The following EHD2 variants were observed in gnomAD, a reference collection of about 807,000 sequenced individuals.
EHD2 encodes the protein EH domain containing 2.
EHD2 carries 27 observed loss-of-function variants against 41.0 expected under a neutral mutation model. That is an observed-to-expected ratio of 0.66 (90% CI 0.49 to 0.91). EHD2 has a LOEUF of 0.91. Among genes scored for constraint, EHD2 ranks in the 40% least tolerant of loss-of-function variants. EHD2 has a pLI of 0.00. For synonymous variants in EHD2, 342 were observed against 341.0 expected (o/e 1.00, Z -0.03); for missense variants, 673 against 773.9 (o/e 0.87, Z 1.55).
At chr19:47,731,279 A>ATATATATATATATATATGT (rs1555793891) in intron 4 of EHD2, 1 of 60,926 alleles carries the variant, frequency 1.6e-5, no homozygotes, top group African/African-American at 4.9e-5. Flanking sequence ...AAAAAAAAAA[A>ATATATATATATATATATGT]ATATATATAT....
chr19:47,718,943 C>G (rs147693020), intron 3 of EHD2, among the ~76,000 whole-genome samples: 1 of 150,218 alleles, frequency 6.7e-6, no homozygotes, highest in East Asian at 2.0e-4. Flanking sequence ...TGGGCCTGGA[C>G]TCCTGGGTCT....
At chr19:47,737,681 T>A (rs911376020) in intron 5 of EHD2, among the ~76,000 whole-genome samples, 13 of 151,572 alleles carry the variant, frequency 8.6e-5, no homozygotes, top group Non-Finnish European at 1.6e-4. Flanking sequence ...TAAAATAAAA[T>A]ATATACGTTT....
Position 47,715,995 on chromosome 19 carries a change from C to A in EHD2, c.-55-563C>A, listed in dbSNP as rs143596922. Among the ~76,000 whole-genome samples the A allele has an allele frequency of 1.6e-3, 240 of 151,694 alleles. 1 individual carries two copies. The highest frequency in any genetic ancestry group is 4.8e-3 in the African/African-American group (198 of 41,316). Reference sequence around the variant, plus strand: ...TATTGGTCAGGCTGGTCTCAAACTCCTGACCTCAGGTGGTCCACCTGCCTC... The same window carrying A: ...TATTGGTCAGGCTGGTCTCAAACTCATGACCTCAGGTGGTCCACCTGCCTC... On this transcript the variant is annotated intron_variant, in intron 1 of 5. Coordinates refer to ENST00000263277, the MANE Select transcript of EHD2 (RefSeq NM_014601.4).
intron 4 of EHD2, among the ~76,000 whole-genome samples, chr19:47,726,942 T>G (rs1973759873): frequency 6.6e-6 from 1 of 152,124 alleles, no homozygotes; most frequent in Non-Finnish European, 1.5e-5. Context: ...CCTCCCAAAG[T>G]GCTGGGATTG....
At chr19:47,727,055 T>G (rs1303190245) in intron 4 of EHD2, among the ~76,000 whole-genome samples, 6 of 152,158 alleles carry the variant, frequency 3.9e-5, no homozygotes, top group South Asian at 2.1e-4. Context: ...AAGATTGTGG[T>G]TCAAAGGTTT....
chr19:47,718,341 C>A (rs1973652815), intron 2 of EHD2, among the ~76,000 whole-genome samples, 168 bp from the exon 3 acceptor site: 1 of 151,000 alleles, frequency 6.6e-6, no homozygotes, highest in East Asian at 1.9e-4. Context: ...TGAGCTGTGG[C>A]TGGTTATAAC....
chr19:47,731,284 A>ATATATATATATG lies in EHD2; in HGVS notation c.915+5071_915+5072insGTATATATATAT, dbSNP rs1555793906. 78 of 54,842 alleles carry ATATATATATATG rather than the reference A, an allele frequency of 1.4e-3. 1 individual carries two copies. The highest frequency in any genetic ancestry group is 2.9e-3 in the Non-Finnish European group (55 of 19,092). 3.4% of individuals were successfully genotyped at this position (54,842 alleles called of 1,614,324 possible). On this transcript the variant is annotated intron_variant, in intron 4 of 5. Transcript: ENST00000263277. ...TGATTCTTTAAAAAAAAAAAAATAT[A>ATATATATATATG]TATATATATATATATATACATATAT...
chr19:47,716,789 C>T lies in EHD2; in HGVS notation c.177C>T (p.Pro59=), dbSNP rs1392552055. The change falls in exon 2 of 6, where the codon CCC becomes CCT. Residue 59 remains proline (P), a synonymous_variant. Transcript: ENST00000263277. ...ALEDADFDGK[P]MVLVAGQYST... is the part of the protein sequence containing the mutation. ...AGGACGCAGACTTCGACGGCAAGCC[C>T]ATGGTGCTGGTGGCCGGCCAGTACA... The T allele has an allele frequency of 6.2e-7, 1 of 1,611,742 alleles. No individual in the cohort carries two copies. Among genetic ancestry groups the T allele is most frequent in the African/African-American group, 1.3e-5 (1 of 74,918 alleles).
intron 5 of EHD2, among the ~76,000 whole-genome samples, chr19:47,738,792 C>A (rs1966951412): frequency 6.6e-6 from 1 of 152,158 alleles, no homozygotes; most frequent in South Asian, 2.1e-4. Flanking sequence ...GATCAGCTGG[C>A]CTCTCTGCCT....
chr19:47,731,279 A>AAATATATATATATATGTATATATATATAT, intron 4 of EHD2: 3 of 60,928 alleles, frequency 4.9e-5, no homozygotes, highest in Non-Finnish European at 1.1e-4. Context: ...AAAAAAAAAA[A>AAATATATATATATATGTATATATATATAT]ATATATATAT....
Position 47,716,912 on chromosome 19 carries a change from C to G in EHD2, c.300C>G (p.Val100=). 1 of 1,611,908 alleles carries G rather than the reference C, an allele frequency of 6.2e-7. No homozygotes were observed. The highest frequency in any genetic ancestry group is 8.5e-7 in the Non-Finnish European group (1 of 1,179,952). The change falls in exon 2 of 6, where the codon GTC becomes GTG. Residue 100 remains valine (V), a synonymous_variant. Transcript: ENST00000263277. ...PEPTTDCFVA[V]MHGDTEGTVP... is the part of the protein sequence containing the mutation. ...CCACCACCGACTGCTTTGTGGCCGTCATGCACGGGGACACTGAGGGCACCG... is the reference window on the plus strand; with the variant it reads ...CCACCACCGACTGCTTTGTGGCCGTGATGCACGGGGACACTGAGGGCACCG...
At chr19:47,734,736 C>A (rs549857613) in intron 4 of EHD2, among the ~76,000 whole-genome samples, 13 of 147,646 alleles carry the variant, frequency 8.8e-5, no homozygotes, top group African/African-American at 3.3e-4. Context: ...CAGAGTGAGA[C>A]TCCCTTTCAA....
At position 47,716,804 on chromosome 19, in the gene EHD2, C is replaced by T. The variant is rs144624643; in HGVS notation, c.192C>T (p.Ala64=). The change falls in exon 2 of 6, where the codon GCC becomes GCT. Residue 64 remains alanine (A), a synonymous_variant. Transcript: ENST00000263277. Reference sequence around the variant, plus strand: ...ACGGCAAGCCCATGGTGCTGGTGGCCGGCCAGTACAGCACGGGCAAGACCA... The same window carrying T: ...ACGGCAAGCCCATGGTGCTGGTGGCTGGCCAGTACAGCACGGGCAAGACCA... ...DFDGKPMVLV[A]GQYSTGKTSF... 4.7e-5 allele frequency: 76 copies of T among 1,610,514 alleles called. No individual in the cohort carries two copies. Among genetic ancestry groups the T allele is most frequent in the South Asian group, 1.4e-4 (13 of 90,534 alleles).
At position 47,719,637 on chromosome 19, in the gene EHD2, G is replaced by T. The variant is rs1452312868; in HGVS notation, c.502+1031G>T. On this transcript the variant is annotated intron_variant, in intron 3 of 5. Transcript: ENST00000263277. The surrounding 1 kb of genome is among the most constrained non-coding windows in gnomAD (Gnocchi z 4.1). ...CTGGCGAGAAGGCTGGGCCTGGGGT[G>T]GGGTGGGGACGCTGGGGGTGACCAT... is the stretch of plus-strand genomic sequence containing the variant. Among the ~76,000 whole-genome samples the T allele has an allele frequency of 6.6e-6, 1 of 152,150 alleles. No homozygotes were observed. The highest frequency in any genetic ancestry group is 1.5e-5 in the Non-Finnish European group (1 of 68,006).
intron 3 of EHD2, among the ~76,000 whole-genome samples, chr19:47,722,926 G>A (rs1973712580): frequency 6.6e-6 from 1 of 152,198 alleles, no homozygotes; most frequent in Non-Finnish European, 1.5e-5. Flanking sequence ...TCAGAACAGT[G>A]CCCACCTCCT....
At chr19:47,717,600 G>A (rs891344843) in intron 2 of EHD2, among the ~76,000 whole-genome samples, 1 of 152,116 alleles carries the variant, frequency 6.6e-6, no homozygotes, top group Non-Finnish European at 1.5e-5. Context: ...AGCCTCATCT[G>A]CAAAAATGTG....
In EHD2 at chr19:47,717,015, A is replaced by G; in HGVS notation, c.403A>G (p.Arg135Gly). 6.3e-7 allele frequency: 1 copy of G among 1,599,530 alleles called. No individual in the cohort carries two copies. Among genetic ancestry groups the G allele is most frequent in the Non-Finnish European group, 8.5e-7 (1 of 1,179,894 alleles). ...LNPFGNTFLN[R>G]FMCAQLPNQV... ...CCCTTTCGGAAACACCTTCCTCAAC[A>G]GGTGTGCCAGCCGCGAGCCCAGGGC... Residue 135 changes from arginine (R) to glycine (G), a missense_variant and splice_region_variant, in exon 2 of 6, where the codon AGG (arginine) becomes GGG (glycine). Arg to Gly is a moderately radical substitution (Grantham distance 125, BLOSUM62 -2). Transcript: ENST00000263277.
chr19:47,729,003 C>T (rs1189202235), intron 4 of EHD2, among the ~76,000 whole-genome samples: 2 of 152,174 alleles, frequency 1.3e-5, no homozygotes, highest in African/African-American at 4.8e-5. Context: ...TATGCCTGGC[C>T]TGGTGTTGGG....
chr19:47,722,997 A>C (rs1211285132), intron 3 of EHD2, among the ~76,000 whole-genome samples: 3 of 152,214 alleles, frequency 2.0e-5, no homozygotes, highest in African/African-American at 7.2e-5. Context: ...TCAGTAAATC[A>C]GGGCTAGCTC....
Sources: allele counts gnomAD v4.1 joint callset (sites outside exome capture counted in the v4.1 genomes callset), GRCh38; gene constraint gnomAD v4.1.1; non-coding constraint Gnocchi (gnomAD v3.1); transcripts MANE v1.5; gene names NCBI Gene and HGNC (gene_info 2026-07-23, HGNC 2026-07-21).